Variants in AXDND1 observed in about 807,000 individuals in gnomAD.
AXDND1 encodes axonemal dynein light chain domain-containing protein 1.
AXDND1 carries 110 observed loss-of-function variants against 137.5 expected under a neutral mutation model. The observed-to-expected ratio is 0.80, with a 90% CI of 0.69 to 0.94. AXDND1 has a LOEUF of 0.94. AXDND1 is among the 40% of genes least tolerant of loss of function. AXDND1 has a pLI of 0.00. For missense variants in AXDND1, 1,191 were observed against 1,169.8 expected, an observed-to-expected ratio of 1.02 and a Z score of -0.26; for synonymous variants, 414 against 399.7, an observed-to-expected ratio of 1.04 and a Z score of -0.43.
chr1:179,449,271 A>T (rs1660184908), intron 16 of AXDND1: 8 of 332,838 alleles, frequency 2.4e-5, no homozygotes, highest in South Asian at 1.5e-4. Context: ...AGCACCATTT[A>T]TTGAAAATAA....
intron 20 of AXDND1, among the ~76,000 whole-genome samples, chr1:179,504,331 C>T (rs571855901): frequency 6.4e-4 from 98 of 152,286 alleles, no homozygotes; most frequent in Non-Finnish European, 1.1e-3. Context: ...CTTCTGTCCA[C>T]CCCAGGATGT....
intron 6 of AXDND1, among the ~76,000 whole-genome samples, chr1:179,382,376 C>G (rs907634710): frequency 6.6e-6 from 1 of 152,146 alleles, no homozygotes; most frequent in Non-Finnish European, 1.5e-5. Context: ...CCACCATGCC[C>G]GGCCCATTAT....
intron 18 of AXDND1, among the ~76,000 whole-genome samples, chr1:179,485,230 C>G (rs111932589): frequency 1.4e-4 from 21 of 152,324 alleles, no homozygotes; most frequent in African/African-American, 4.6e-4. Context: ...CATGTGTAAA[C>G]AAGCACGGAT....
chr1:179,493,783 A>G (rs1667168707), intron 20 of AXDND1, among the ~76,000 whole-genome samples: 1 of 152,098 alleles, frequency 6.6e-6, no homozygotes, highest in Admixed American at 6.6e-5. Context: ...CCCTGCTTTG[A>G]TCTTTACACA....
At chr1:179,537,511 G>T (rs1409027899) in intron 25 of AXDND1, among the ~76,000 whole-genome samples, 1 of 152,192 alleles carries the variant, frequency 6.6e-6, no homozygotes, top group Non-Finnish European at 1.5e-5. Flanking sequence ...ATTTGCATAT[G>T]CTGAACCAGC....
rs139773041 is a variant in AXDND1, at chr1:179,385,360, G to T, written c.863+1G>T. On this transcript the variant is annotated splice_donor_variant, in intron 9 of 25. Transcript: ENST00000367618. LOFTEE classifies it high-confidence loss of function. ...GAGGAGAACTTCTGTCTAAAGTCAGGTTAGTGCTGTTATTGGAATGGTCCA... is the reference window on the plus strand; with the variant it reads ...GAGGAGAACTTCTGTCTAAAGTCAGTTTAGTGCTGTTATTGGAATGGTCCA... The T allele has an allele frequency of 3.3e-4, 531 of 1,613,872 alleles. No homozygotes were observed. Among genetic ancestry groups the T allele is most frequent in the Admixed American group, 6.0e-4 (36 of 59,980 alleles).
chr1:179,551,376 C>G (rs1553312377), intron 25 of AXDND1: 2 of 1,614,068 alleles, frequency 1.2e-6, no homozygotes, highest in South Asian at 2.2e-5. Flanking sequence ...TGAACGGCAG[C>G]AGGGGTGCCT....
intron 12 of AXDND1, among the ~76,000 whole-genome samples, chr1:179,422,182 C>G (rs1655851468): frequency 6.8e-6 from 1 of 147,464 alleles, no homozygotes; most frequent in South Asian, 2.1e-4. Context: ...TCTTGCTTTT[C>G]TAGTTCCTTG....
chr1:179,383,570 G>C lies in AXDND1; in HGVS notation c.741+26G>C, dbSNP rs139612401. On this transcript the variant is annotated intron_variant, in intron 8 of 25. Coordinates refer to ENST00000367618, the MANE Select transcript of AXDND1 (RefSeq NM_144696.6). ...GTAATTGCAAAGCCGAATGCAACCTGGTGGCTAAGAGCATGCACTCAGGAG... is the reference window on the plus strand; with the variant it reads ...GTAATTGCAAAGCCGAATGCAACCTCGTGGCTAAGAGCATGCACTCAGGAG... 194 of 1,570,632 alleles carry C rather than the reference G, an allele frequency of 1.2e-4. No homozygotes were observed. The African/African-American group carries it at 2.5e-3, about 20-fold the overall frequency.
At chr1:179,405,587 G>A (rs1008970124) in intron 11 of AXDND1, among the ~76,000 whole-genome samples, 1 of 152,122 alleles carries the variant, frequency 6.6e-6, no homozygotes, top group South Asian at 2.1e-4. Flanking sequence ...GTCTGTTCAG[G>A]TTTTCTGTTT....
At chr1:179,368,331 C>G (rs1241721358) in intron 2 of AXDND1, among the ~76,000 whole-genome samples, 4 of 152,166 alleles carry the variant, frequency 2.6e-5, no homozygotes, top group African/African-American at 4.8e-5. Context: ...CAACCCAGAG[C>G]CTTTCCACTC....
chr1:179,389,001 A>AG (rs2125116802), intron 9 of AXDND1, among the ~76,000 whole-genome samples: 1 of 2,728 alleles, frequency 3.7e-4, no homozygotes, highest in African/African-American at 1.1e-3. Context: ...TTTGAGATGG[A>AG]GTTTCACTCG....
intron 20 of AXDND1, among the ~76,000 whole-genome samples, chr1:179,503,362 C>T (rs1668218651): frequency 6.6e-6 from 1 of 151,724 alleles, no homozygotes; most frequent in African/African-American, 2.4e-5. Flanking sequence ...TGTACAACAT[C>T]TTGCTAATAC....
chr1:179,414,478 G>T (rs1467571033), intron 12 of AXDND1, among the ~76,000 whole-genome samples: 1 of 151,962 alleles, frequency 6.6e-6, no homozygotes, highest in African/African-American at 2.4e-5. Context: ...ATGCTGGAGT[G>T]CAGTGGCATG....
chr1:179,382,070 C>T (rs1333044257), intron 6 of AXDND1, among the ~76,000 whole-genome samples: 1 of 150,850 alleles, frequency 6.6e-6, no homozygotes, highest in Non-Finnish European at 1.5e-5. Flanking sequence ...CCACCACGCC[C>T]AGCCCTTTAT....
intron 25 of AXDND1, among the ~76,000 whole-genome samples, chr1:179,536,666 T>C (rs1416127066): frequency 1.3e-5 from 2 of 152,224 alleles, no homozygotes; most frequent in Non-Finnish European, 2.9e-5. Context: ...GCTTTGTTCT[T>C]TTTGCTTAGG....
At chr1:179,383,340 G>C (rs2125094914) in intron 7 of AXDND1, 102 bp from the exon 8 acceptor site, 2 of 809,480 alleles carry the variant, frequency 2.5e-6, no homozygotes, top group East Asian at 5.3e-5. Flanking sequence ...TAATATCCCA[G>C]AGAGCATATA....
At chr1:179,505,183 T>C (rs1668412918) in intron 20 of AXDND1, among the ~76,000 whole-genome samples, 2 of 152,240 alleles carry the variant, frequency 1.3e-5, no homozygotes, top group Admixed American at 6.5e-5. Flanking sequence ...AAGATGGTTT[T>C]CCAGAGAAGC....
rs377087874 is a variant in AXDND1 at position 179,506,811 on chromosome 1, T to C, written c.2389-2485T>C. 3 of 978,880 alleles carry C rather than the reference T, an allele frequency of 3.1e-6. No individual in the cohort carries two copies. The East Asian group carries it at 3.4e-4, about 111-fold the overall frequency. 60.6% of individuals were successfully genotyped at this position (978,880 alleles called of 1,614,324 possible). ...GTCTGCCATCCACCTTGGACCACAATAGGCTTTCTTTATGTCACCAGAGAT... is the reference window on the plus strand; with the variant it reads ...GTCTGCCATCCACCTTGGACCACAACAGGCTTTCTTTATGTCACCAGAGAT... On this transcript the variant is annotated intron_variant, in intron 20 of 25. Transcript: ENST00000367618.
Sources: gnomAD v4.1 joint callset for allele counts (sites outside exome capture counted in the v4.1 genomes callset) on GRCh38, gnomAD v4.1.1 for gene constraint, MANE v1.5 for transcripts, NCBI Gene and HGNC (gene_info 2026-07-23, HGNC 2026-07-21) for gene names.